SLC44A1: variants seen among roughly 807,000 people sequenced by gnomAD.
SLC44A1 encodes choline transporter-like protein 1.
Under a neutral mutation model 79.3 loss-of-function variants are expected in SLC44A1, and 26 were observed. The observed-to-expected ratio is 0.33, with a 90% confidence interval of 0.24 to 0.46. The LOEUF (loss-of-function observed/expected upper bound fraction) is 0.46. Among genes scored for constraint, SLC44A1 ranks in the 20% least tolerant of loss-of-function variants. The pLI is 1.00. For synonymous variants in SLC44A1, 263 were observed against 286.2 expected, an observed-to-expected ratio of 0.92 and a Z score of 0.82; for missense variants, 688 against 798.1, an observed-to-expected ratio of 0.86 and a Z score of 1.66.
intron 5 of SLC44A1, among the ~76,000 whole-genome samples, chr9:105,351,627 AGAAAG>A (rs1827436557): frequency 7.6e-5 from 5 of 66,178 alleles, no homozygotes; most frequent in African/African-American, 2.5e-4. Flanking sequence ...AGAAAGAGAG[AGAAAG>A]AGAAAGAAAG....
chr9:105,345,289 A>G (rs947908143), intron 4 of SLC44A1, among the ~76,000 whole-genome samples: 2 of 152,156 alleles, frequency 1.3e-5, no homozygotes, highest in Non-Finnish European at 2.9e-5. Context: ...GTATAGGAAA[A>G]CAGTAGATAA....
chr9:105,378,631 AT>A (rs1195434236), intron 13 of SLC44A1, among the ~76,000 whole-genome samples: 1 of 152,094 alleles, frequency 6.6e-6, no homozygotes, highest in Non-Finnish European at 1.5e-5. Flanking sequence ...AGATAAATAC[AT>A]TTTTTTAATT....
chr9:105,391,206 C>T lies in SLC44A1; in HGVS notation c.*2150C>T, dbSNP rs921874260. The T allele has an allele frequency of 2.5e-5, 25 of 985,656 alleles. No individual in the cohort carries two copies. In the African/African-American group the frequency reaches 4.2e-4, roughly 17 times the overall value. The allele number at this position is 985,656 out of a possible 1,614,324, so 61.1% of individuals were successfully genotyped here. A position where few individuals can be genotyped will look rare whatever the true frequency, so the allele number is the denominator to read the frequency against. On this transcript the variant is annotated 3_prime_UTR_variant, in exon 16 of 16. Coordinates refer to ENST00000374720, the MANE Select transcript of SLC44A1 (RefSeq NM_080546.5). Reference sequence around the variant, plus strand: ...TTAGGTTCTACTCACTTGGACATCCCTGCATCATGGACTGTTGCTGCTCCC... The same window carrying T: ...TTAGGTTCTACTCACTTGGACATCCTTGCATCATGGACTGTTGCTGCTCCC...
chr9:105,286,647 G>A (rs1830485000), intron 1 of SLC44A1, among the ~76,000 whole-genome samples: 1 of 152,036 alleles, frequency 6.6e-6, no homozygotes, highest in Non-Finnish European at 1.5e-5. Context: ...CCTCAATTAC[G>A]AACTCAAATG....
At chr9:105,435,308 C>G (rs1435034215) in intron 15 of SLC44A1, among the ~76,000 whole-genome samples, 2 of 152,160 alleles carry the variant, frequency 1.3e-5, no homozygotes, top group Admixed American at 6.5e-5. Context: ...CCCAAACAGG[C>G]TAAGTGTGAG....
chr9:105,257,480 C>T (rs772331697), intron 1 of SLC44A1, among the ~76,000 whole-genome samples: 9 of 152,068 alleles, frequency 5.9e-5, no homozygotes, highest in Non-Finnish European at 1.3e-4. Flanking sequence ...ATCCACCCAT[C>T]TTGGCCTCCG....
chr9:105,426,053 G>A (rs1253838666), intron 15 of SLC44A1, among the ~76,000 whole-genome samples: 1 of 152,150 alleles, frequency 6.6e-6, no homozygotes. Context: ...AATGGGTTGG[G>A]GCTCTGATGT....
downstream of SLC44A1, among the ~76,000 whole-genome samples, chr9:105,400,610 T>G (rs1279904823): frequency 6.6e-6 from 1 of 152,272 alleles, no homozygotes; most frequent in Non-Finnish European, 1.5e-5. Flanking sequence ...GTCTACTGTC[T>G]TTGACATTAA....
At chr9:105,369,424 A>C (rs928145011) in intron 12 of SLC44A1, among the ~76,000 whole-genome samples, 1 of 152,148 alleles carries the variant, frequency 6.6e-6, no homozygotes, top group Non-Finnish European at 1.5e-5. Context: ...TTTTTAAATA[A>C]GGGCACTAAT....
intron 15 of SLC44A1, among the ~76,000 whole-genome samples, chr9:105,435,754 T>C (rs1829455955): frequency 6.6e-6 from 1 of 152,224 alleles, no homozygotes; most frequent in Non-Finnish European, 1.5e-5. Context: ...GTTTAGCTAA[T>C]AGCAGTGTAC....
chr9:105,391,722 C>G lies in SLC44A1; in HGVS notation c.*2666C>G. The G allele has an allele frequency of 1.0e-6, 1 of 985,212 alleles. No homozygotes were observed. The highest frequency in any genetic ancestry group is 1.2e-6 in the Non-Finnish European group (1 of 829,846). 61.0% of individuals were successfully genotyped at this position (985,212 alleles called of 1,614,324 possible). A position where few individuals can be genotyped will look rare whatever the true frequency, so the allele number is the denominator to read the frequency against. On this transcript the variant is annotated 3_prime_UTR_variant, in exon 16 of 16. Coordinates refer to ENST00000374720, the MANE Select transcript of SLC44A1 (RefSeq NM_080546.5). ...AGCTATGGGCTGCCTTATTGCTATT[C>G]GCTCACTGCTTCCATCTTCTGCCCA... is the stretch of plus-strand genomic sequence containing the variant.
chr9:105,400,876 C>T (rs1828949762), downstream of SLC44A1, among the ~76,000 whole-genome samples: 2 of 152,170 alleles, frequency 1.3e-5, no homozygotes, highest in Non-Finnish European at 2.9e-5. Flanking sequence ...ATAGAAACTA[C>T]TCTTTTCATA....
intron 15 of SLC44A1, among the ~76,000 whole-genome samples, chr9:105,437,489 T>C (rs1829479350): frequency 6.6e-6 from 1 of 152,086 alleles, no homozygotes; most frequent in Non-Finnish European, 1.5e-5. Flanking sequence ...TCTATATATA[T>C]ACACACACAT....
At position 105,390,281 on chromosome 9, in the gene SLC44A1, AGT is replaced by A. The variant is rs1056398107; in HGVS notation, c.*1228_*1229del. 4 of 1,020,826 alleles carry A rather than the reference AGT, an allele frequency of 3.9e-6. No individual in the cohort carries two copies. In the African/African-American group the frequency reaches 6.8e-5, roughly 17 times the overall value. 63.2% of individuals were successfully genotyped at this position (1,020,826 alleles called of 1,614,324 possible). A position where few individuals can be genotyped will look rare whatever the true frequency, so the allele number is the denominator to read the frequency against. On this transcript the variant is annotated 3_prime_UTR_variant, in exon 16 of 16. Transcript: ENST00000374720. Reference sequence around the variant, plus strand: ...AATGGTGAATGCTTTAAGAAAAAAAAGTGTAATTTGCTAAGAATAATTCATGA... The same window carrying A: ...AATGGTGAATGCTTTAAGAAAAAAAAGTAATTTGCTAAGAATAATTCATGA...
chr9:105,297,218 A>G (rs1164049127), intron 1 of SLC44A1, among the ~76,000 whole-genome samples: 4 of 152,206 alleles, frequency 2.6e-5, no homozygotes, highest in African/African-American at 7.2e-5. Flanking sequence ...GTGTAAGGCA[A>G]TAACAAAGCA....
At position 105,392,510 on chromosome 9, in the gene SLC44A1, T is replaced by C; in HGVS notation, c.*3454T>C. 12 of 983,436 alleles carry C rather than the reference T, an allele frequency of 1.2e-5. No homozygotes were observed. Among genetic ancestry groups the C allele is most frequent in the Non-Finnish European group, 1.4e-5 (12 of 829,552 alleles). The allele number at this position is 983,436 out of a possible 1,614,324, so 60.9% of individuals were successfully genotyped here. A position where few individuals can be genotyped will look rare whatever the true frequency, so the allele number is the denominator to read the frequency against. ...GTATCTGCCAAGGGCTTCCTTGCCT[T>C]CCCTGGGCAGTTTTAGGATTTCACC... On this transcript the variant is annotated 3_prime_UTR_variant, in exon 16 of 16. Transcript: ENST00000374720.
At position 105,388,019 on chromosome 9, in the gene SLC44A1, A is replaced by G. The variant is rs553488114; in HGVS notation, c.1951-1014A>G. Among the ~76,000 whole-genome samples the G allele has an allele frequency of 2.6e-5, 4 of 152,278 alleles. No individual in the cohort carries two copies. In the East Asian group the frequency reaches 7.7e-4, roughly 29 times the overall value. On this transcript the variant is annotated intron_variant, in intron 15 of 15. Transcript: ENST00000374720. ...TTCATTTTATGCTGTTCATCAGTTC[A>G]TTGCTTGCAGATTAATGGCAAAAAC...
At chr9:105,387,388 G>A (rs1828661660) in intron 15 of SLC44A1, among the ~76,000 whole-genome samples, 1 of 152,058 alleles carries the variant, frequency 6.6e-6, no homozygotes, top group African/African-American at 2.4e-5. Context: ...TTGGGCAGAT[G>A]GAGGCACACC....
At chr9:105,400,249 G>T (rs1828939437), downstream of SLC44A1, among the ~76,000 whole-genome samples, 2 of 152,092 alleles carry the variant, frequency 1.3e-5, no homozygotes, top group Non-Finnish European at 2.9e-5. Context: ...CCAGCACTTT[G>T]GGAGGCTGAG....
Sources: gnomAD v4.1 joint callset for allele counts (sites outside exome capture counted in the v4.1 genomes callset) on GRCh38, gnomAD v4.1.1 for gene constraint, MANE v1.5 for transcripts, NCBI Gene and HGNC (gene_info 2026-07-23, HGNC 2026-07-21) for gene names.